Variants in DDX41 observed in about 807,000 individuals in gnomAD.
DDX41 encodes DEAD-box helicase 41, also known as probable ATP-dependent RNA helicase DDX41.
Under a neutral mutation model 78.8 loss-of-function variants are expected in DDX41, and 50 were observed. The observed-to-expected ratio is 0.63, with a 90% CI of 0.51 to 0.80. DDX41 has a LOEUF of 0.80. Ranked by LOEUF, DDX41 falls within the 30% of genes least tolerant of loss-of-function variation. The pLI, the probability that DDX41 is intolerant of heterozygous loss-of-function variation, is 0.00. For synonymous variants in DDX41, 381 were observed against 321.5 expected, an observed-to-expected ratio of 1.19 and a Z score of -1.98; for missense variants, 633 against 849.2, an observed-to-expected ratio of 0.75 and a Z score of 3.16.
chr5:177,515,272 C>G lies in DDX41; in HGVS notation c.572-14G>C, dbSNP rs1261529805. On this transcript the variant is annotated splice_polypyrimidine_tract_variant and intron_variant, in intron 6 of 16. Coordinates refer to ENST00000330503, the MANE Select transcript of DDX41 (RefSeq NM_016222.4). ...CTCTCAGGATGGCTATGAAAACCAA[C>G]CGACATCGTCTTCATGACTCACAGG... is the stretch of plus-strand genomic sequence containing the variant. 2 of 1,613,942 alleles carry G rather than the reference C, an allele frequency of 1.2e-6. No individual in the cohort carries two copies. The highest frequency in any genetic ancestry group is 4.5e-5 in the East Asian group (2 of 44,888).
Position 177,511,751 on chromosome 5 carries a change from G to A in DDX41, c.*40C>T. 1 of 1,611,112 alleles carries A rather than the reference G, an allele frequency of 6.2e-7. No individual in the cohort carries two copies. The highest frequency in any genetic ancestry group is 8.5e-7 in the Non-Finnish European group (1 of 1,177,818). On this transcript the variant is annotated 3_prime_UTR_variant, in exon 17 of 17. Coordinates refer to ENST00000330503, the MANE Select transcript of DDX41 (RefSeq NM_016222.4). Reference sequence around the variant, plus strand: ...GTATGTGTAGACTGGTGGCAGTCTTGGGGACTGAGGCCTCTTGGAGAGAAG... The same window carrying A: ...GTATGTGTAGACTGGTGGCAGTCTTAGGGACTGAGGCCTCTTGGAGAGAAG...
chr5:177,516,584 C>G, intron 2 of DDX41, 137 bp from the exon 3 acceptor site: 1 of 1,390,488 alleles, frequency 7.2e-7, no homozygotes, highest in East Asian at 2.5e-5. Flanking sequence ...CCGTCGGTCC[C>G]TCGTTTGTCT....
At position 177,514,302 on chromosome 5, in the gene DDX41, G is replaced by T. The variant is rs540161358; in HGVS notation, c.935+399C>A. On this transcript the variant is annotated intron_variant, in intron 9 of 16. Transcript: ENST00000330503. This position sits in a 1 kb window ranked among gnomAD's most constrained non-coding sequence, Gnocchi z 4.2. Reference sequence around the variant, plus strand: ...GACTGCACAGCACTGAAAGGACACAGGTGCCGCTGGGATCCAGCCCTACCC... The same window carrying T: ...GACTGCACAGCACTGAAAGGACACATGTGCCGCTGGGATCCAGCCCTACCC... 2.1e-6 allele frequency: 1 copy of T among 483,562 alleles called. No individual in the cohort carries two copies. The highest frequency in any genetic ancestry group is 5.8e-5 in the East Asian group (1 of 17,344). The allele number at this position is 483,562 out of a possible 1,614,324, so 30.0% of individuals were successfully genotyped here.
Position 177,513,206 on chromosome 5 carries a change from TA to T in DDX41, c.1231-125del. 1 of 1,520,800 alleles carries T rather than the reference TA, an allele frequency of 6.6e-7. No individual in the cohort carries two copies. Among genetic ancestry groups the T allele is most frequent in the Non-Finnish European group, 8.9e-7 (1 of 1,119,960 alleles). 94.2% of individuals were successfully genotyped at this position (1,520,800 alleles called of 1,614,324 possible). A position where few individuals can be genotyped will look rare whatever the true frequency, so the allele number is the denominator to read the frequency against. ...CTCTGGCCGCCAAGGGCTGGTGCCC[TA>T]AAAATGGCCCTGGTTAAGCGTCAGG... On this transcript the variant is annotated intron_variant, in intron 11 of 16. Transcript: ENST00000330503. The surrounding 1 kb of genome is among the most constrained non-coding windows in gnomAD (Gnocchi z 4.6).
At position 177,513,146 on chromosome 5, in the gene DDX41, T is replaced by C; in HGVS notation, c.1231-64A>G. The stretch of plus-strand genomic sequence containing the variant: ...AGGCTTACCCGCCACAGCCCTGCCA[T>C]GGCCCGTCATCTGGACCAGGAGGTG... On this transcript the variant is annotated intron_variant, in intron 11 of 16. Transcript: ENST00000330503. This position sits in a 1 kb window ranked among gnomAD's most constrained non-coding sequence, Gnocchi z 4.6. The C allele has an allele frequency of 1.3e-6, 2 of 1,572,126 alleles. No homozygotes were observed. Among genetic ancestry groups the C allele is most frequent in the Non-Finnish European group, 1.7e-6 (2 of 1,149,964 alleles).
intron 4 of DDX41, 49 bp downstream of exon 4, chr5:177,516,070 G>A (rs1346461986): frequency 1.2e-6 from 2 of 1,613,498 alleles, no homozygotes; most frequent in South Asian, 1.1e-5. Context: ...CCTGGGGCTG[G>A]GAGGAGAAGA....
In DDX41 at chr5:177,514,716, A is replaced by G; in HGVS notation, c.920T>C (p.Met307Thr). 11 of 1,612,074 alleles carry G rather than the reference A, an allele frequency of 6.8e-6. No individual in the cohort carries two copies. The highest frequency in any genetic ancestry group is 3.3e-4 in the Middle Eastern group (2 of 6,050). ...CAGCACTCACTGTCGGATGGTCTCC[A>G]TCTGCTCTTTCACGGACATGCCCCC... ...CIGGMSVKEQ[M>T]ETIRHGVHMM... is the part of the protein sequence containing the mutation. The change falls in exon 9 of 17, where the codon ATG (methionine) becomes ACG (threonine). Residue 307 changes from methionine (M) to threonine (T), a missense_variant. Physicochemically the swap from Met to Thr is moderately conservative, Grantham distance 81. Transcript: ENST00000330503. This position sits in a 1 kb window ranked among gnomAD's most constrained non-coding sequence, Gnocchi z 4.2.
Position 177,514,062 on chromosome 5 carries a change from T to C in DDX41, c.936-215A>G. ...CACCACCGCTCGGCCTGGCGCGCCT[T>C]CCCCCTTCTCCTGGGTCAGCCTCTC... is the stretch of plus-strand genomic sequence containing the variant. On this transcript the variant is annotated intron_variant, in intron 9 of 16. Transcript: ENST00000330503. The surrounding 1 kb of genome is among the most constrained non-coding windows in gnomAD (Gnocchi z 4.2). 1 of 682,560 alleles carries C rather than the reference T, an allele frequency of 1.5e-6. No homozygotes were observed. The allele number at this position is 682,560 out of a possible 1,614,324, so 42.3% of individuals were successfully genotyped here. A position where few individuals can be genotyped will look rare whatever the true frequency, so the allele number is the denominator to read the frequency against.
intron 13 of DDX41, 65 bp downstream of exon 13, chr5:177,512,715 G>A (rs770566083): frequency 6.2e-7 from 1 of 1,613,150 alleles, no homozygotes; most frequent in Non-Finnish European, 8.5e-7. Flanking sequence ...ACCAGGCAGG[G>A]GAAGGCATTA....
At position 177,514,431 on chromosome 5, in the gene DDX41, T is replaced by A. The variant is rs1427732064; in HGVS notation, c.935+270A>T. ...ACTGCCCCTCTTCCCAATTCAAATGTCACCTTCCCGGAAAAGCCTTCTCTG... is the reference window on the plus strand; with the variant it reads ...ACTGCCCCTCTTCCCAATTCAAATGACACCTTCCCGGAAAAGCCTTCTCTG... On this transcript the variant is annotated intron_variant, in intron 9 of 16. Coordinates refer to ENST00000330503, the MANE Select transcript of DDX41 (RefSeq NM_016222.4). This position sits in a 1 kb window ranked among gnomAD's most constrained non-coding sequence, Gnocchi z 4.2. 2 of 558,858 alleles carry A rather than the reference T, an allele frequency of 3.6e-6. No individual in the cohort carries two copies. Among genetic ancestry groups the A allele is most frequent in the Non-Finnish European group, 6.4e-6 (2 of 311,636 alleles). 34.6% of individuals were successfully genotyped at this position (558,858 alleles called of 1,614,324 possible). A position where few individuals can be genotyped will look rare whatever the true frequency, so the allele number is the denominator to read the frequency against.
At position 177,514,067 on chromosome 5, in the gene DDX41, C is replaced by T. The variant is rs1761109866; in HGVS notation, c.936-220G>A. 1 of 685,366 alleles carries T rather than the reference C, an allele frequency of 1.5e-6. No individual in the cohort carries two copies. 42.5% of individuals were successfully genotyped at this position (685,366 alleles called of 1,614,324 possible). A position where few individuals can be genotyped will look rare whatever the true frequency, so the allele number is the denominator to read the frequency against. ...CCGCTCGGCCTGGCGCGCCTTCCCC[C>T]TTCTCCTGGGTCAGCCTCTCACCCA... On this transcript the variant is annotated intron_variant, in intron 9 of 16. Transcript: ENST00000330503. This position sits in a 1 kb window ranked among gnomAD's most constrained non-coding sequence, Gnocchi z 4.2.
rs1211309548 is a variant in DDX41 at position 177,514,051 on chromosome 5, C to G, written c.936-204G>C. 1 of 697,702 alleles carries G rather than the reference C, an allele frequency of 1.4e-6. No homozygotes were observed. 43.2% of individuals were successfully genotyped at this position (697,702 alleles called of 1,614,324 possible). A position where few individuals can be genotyped will look rare whatever the true frequency, so the allele number is the denominator to read the frequency against. Reference sequence around the variant, plus strand: ...GCAGCCATCTTCACCACCGCTCGGCCTGGCGCGCCTTCCCCCTTCTCCTGG... The same window carrying G: ...GCAGCCATCTTCACCACCGCTCGGCGTGGCGCGCCTTCCCCCTTCTCCTGG... On this transcript the variant is annotated intron_variant, in intron 9 of 16. Coordinates refer to ENST00000330503, the MANE Select transcript of DDX41 (RefSeq NM_016222.4). This position sits in a 1 kb window ranked among gnomAD's most constrained non-coding sequence, Gnocchi z 4.2.
Position 177,511,908 on chromosome 5 carries a change from G to A in DDX41, c.1752C>T (p.Phe584=). 6.2e-7 allele frequency: 1 copy of A among 1,613,982 alleles called. No homozygotes were observed. Among genetic ancestry groups the A allele is most frequent in the Non-Finnish European group, 8.5e-7 (1 of 1,180,034 alleles). ...LDIGGERGCA[F]CGGLGHRITD... ...TGATCCGATGACCCAGGCCCCCGCA[G>A]AAGGCACAGCCGCGCTCTCCTGGGG... Residue 584 remains phenylalanine, a synonymous_variant, in exon 17 of 17, where the codon TTC becomes TTT. Coordinates refer to ENST00000330503, the MANE Select transcript of DDX41 (RefSeq NM_016222.4).
Position 177,513,171 on chromosome 5 carries a change from G to GT in DDX41, c.1231-90_1231-89insA. The stretch of plus-strand genomic sequence containing the variant: ...TGGCCCGTCATCTGGACCAGGAGGT[G>GT]ACCAGAAGCCTCTGGCCGCCAAGGG... On this transcript the variant is annotated intron_variant, in intron 11 of 16. Coordinates refer to ENST00000330503, the MANE Select transcript of DDX41 (RefSeq NM_016222.4). The surrounding 1 kb of genome is among the most constrained non-coding windows in gnomAD (Gnocchi z 4.6). The GT allele has an allele frequency of 2.0e-6, 3 of 1,537,700 alleles. No individual in the cohort carries two copies. The highest frequency in any genetic ancestry group is 2.7e-6 in the Non-Finnish European group (3 of 1,127,272).
rs1421882404 is a variant in DDX41 at position 177,515,795 on chromosome 5, C to G, written c.461G>C (p.Ser154Thr). 1 of 1,614,056 alleles carries G rather than the reference C, an allele frequency of 6.2e-7. No homozygotes were observed. The highest frequency in any genetic ancestry group is 1.3e-5 in the African/African-American group (1 of 74,930). ...TSWTPPRYVL[S>T]MSEERHERVR... ...GCGCTCATGTCGCTCTTCAGACATG[C>G]TCAGAACATAACGGGGTGGAGTCCA... Residue 154 changes from serine to threonine, a missense_variant, in exon 6 of 17, where the codon AGC (serine) becomes ACC (threonine). Coordinates refer to ENST00000330503, the MANE Select transcript of DDX41 (RefSeq NM_016222.4).
At position 177,513,465 on chromosome 5, in the gene DDX41, A is replaced by G; in HGVS notation, c.1118T>C (p.Leu373Pro). 4.3e-6 allele frequency: 7 copies of G among 1,614,164 alleles called. No individual in the cohort carries two copies. Among genetic ancestry groups the G allele is most frequent in the Non-Finnish European group, 5.9e-6 (7 of 1,180,030 alleles). ...CTTCTTCGGCATGGTGGCACTGAAG[A>G]GCAGGGTCTGTCGCTGGCCCTGAGG... ...SYFKGQRQTL[L>P]FSATMPKKIQ... The change falls in exon 11 of 17, where the codon CTC (leucine) becomes CCC (proline). Residue 373 changes from leucine to proline, a missense_variant. Around this residue, in one of 6 missense-constraint regions of DDX41, gnomAD observed 185 missense variants for 367.4 expected, o/e 0.50. Transcript: ENST00000330503. This position sits in a 1 kb window ranked among gnomAD's most constrained non-coding sequence, Gnocchi z 4.6.
In DDX41 at chr5:177,512,823, C is replaced by T; in HGVS notation, c.1356G>A (p.Leu452=). 1 of 1,614,128 alleles carries T rather than the reference C, an allele frequency of 6.2e-7. No homozygotes were observed. Residue 452 remains leucine, a synonymous_variant, in exon 13 of 17, where the codon CTG becomes CTA. Transcript: ENST00000330503. ...CTACGGCCTCAACCCCCTTGAGCAG[C>T]AGGTACTCGTGGATGGCGTCCACGT... ...KADVDAIHEY[L]LLKGVEAVAI...
In DDX41 at chr5:177,511,696, T is replaced by A; in HGVS notation, c.*95A>T. On this transcript the variant is annotated 3_prime_UTR_variant, in exon 17 of 17. Transcript: ENST00000330503. Reference sequence around the variant, plus strand: ...CTGGCCCATCCCAGGCCAGCTGAGCTGAAATGCTGATTCTGTCCAGGGGGC... The same window carrying A: ...CTGGCCCATCCCAGGCCAGCTGAGCAGAAATGCTGATTCTGTCCAGGGGGC... The A allele has an allele frequency of 6.5e-7, 1 of 1,540,360 alleles. No individual in the cohort carries two copies. The highest frequency in any genetic ancestry group is 8.9e-7 in the Non-Finnish European group (1 of 1,127,108).
In DDX41 at chr5:177,514,367, GA is replaced by G. The variant is rs1204439794; in HGVS notation, c.935+333del. ...CCTTGACTGACCACTGAATGACCCT[GA>G]CCTTCCTGGGCCGTCCGCCTCTGTG... On this transcript the variant is annotated intron_variant, in intron 9 of 16. Coordinates refer to ENST00000330503, the MANE Select transcript of DDX41 (RefSeq NM_016222.4). The surrounding 1 kb of genome is among the most constrained non-coding windows in gnomAD (Gnocchi z 4.2). 1 of 461,578 alleles carries G rather than the reference GA, an allele frequency of 2.2e-6. No individual in the cohort carries two copies. Among genetic ancestry groups the G allele is most frequent in the African/African-American group, 2.0e-5 (1 of 50,616 alleles). 28.6% of individuals were successfully genotyped at this position (461,578 alleles called of 1,614,324 possible). A position where few individuals can be genotyped will look rare whatever the true frequency, so the allele number is the denominator to read the frequency against.
Sources: allele counts gnomAD v4.1 joint callset, GRCh38; gene constraint gnomAD v4.1.1; regional missense constraint gnomAD v4.1.1; non-coding constraint Gnocchi (gnomAD v3.1); transcripts MANE v1.5; gene names NCBI Gene and HGNC (gene_info 2026-07-23, HGNC 2026-07-21).